Variants in EPHB2 observed in about 807,000 individuals in gnomAD.
The protein encoded by EPHB2 is ephrin type-B receptor 2.
A neutral mutation model predicts 96.4 loss-of-function variants in EPHB2; 18 were observed. That is an observed-to-expected ratio of 0.19 (90% CI 0.13 to 0.28). The LOEUF (loss-of-function observed/expected upper bound fraction) is 0.28. Ranked by LOEUF, EPHB2 falls within the 10% of genes least tolerant of loss-of-function variation. The pLI, the probability that EPHB2 is intolerant of heterozygous loss-of-function variation, is 1.00. For missense variants in EPHB2, 989 were observed against 1,355.4 expected (o/e 0.73, Z 4.25); for synonymous variants, 506 against 534.1 (o/e 0.95, Z 0.72).
At chr1:22,908,366 T>C (rs186131002) in intron 12 of EPHB2, among the ~76,000 whole-genome samples, 198 bp downstream of exon 12, 37 of 152,188 alleles carry the variant, frequency 2.4e-4, no homozygotes, top group Non-Finnish European at 8.8e-5. Context: ...TGCAGAGCCA[T>C]GTGGAGTGAC....
chr1:22,747,216 C>G (rs774893910), intron 1 of EPHB2, among the ~76,000 whole-genome samples: 10 of 152,258 alleles, frequency 6.6e-5, no homozygotes, highest in Non-Finnish European at 1.3e-4. Context: ...CTCACGTCCT[C>G]TGTTCACTGT....
At chr1:22,864,834 C>T (rs1010801306) in intron 4 of EPHB2, 43 bp from the exon 5 acceptor site, 3 of 1,316,348 alleles carry the variant, frequency 2.3e-6, no homozygotes, top group Non-Finnish European at 2.1e-6. Flanking sequence ...GGGAATAGTA[C>T]CCCCTGAGCC....
At chr1:22,827,504 C>G (rs1645241918) in intron 3 of EPHB2, among the ~76,000 whole-genome samples, 1 of 152,202 alleles carries the variant, frequency 6.6e-6, no homozygotes, top group Non-Finnish European at 1.5e-5. Flanking sequence ...TCCGTCAAGC[C>G]TGCATGCAAC....
intron 1 of EPHB2, among the ~76,000 whole-genome samples, chr1:22,773,547 TGTC>T (rs1359569362): frequency 6.6e-6 from 1 of 152,116 alleles, no homozygotes; most frequent in African/African-American, 2.4e-5. Flanking sequence ...AGCTATGAGG[TGTC>T]TGTTCATCTT....
Position 22,895,554 on chromosome 1 carries a change from G to A in EPHB2, c.1674G>A (p.Val558=). 2 of 1,614,238 alleles carry A rather than the reference G, an allele frequency of 1.2e-6. No individual in the cohort carries two copies. The highest frequency in any genetic ancestry group is 1.7e-6 in the Non-Finnish European group (2 of 1,180,038). Residue 558 remains valine, a synonymous_variant, in exon 8 of 16, where the codon GTG becomes GTA. Coordinates refer to ENST00000374630, the MANE Select transcript of EPHB2 (RefSeq NM_017449.5). The stretch of plus-strand genomic sequence containing the variant: ...CTGGCCTGGTCTTCCTCATTGCTGT[G>A]GTTGTCATCGCCATCGTGTGTAACA... ...SAAGLVFLIA[V]VVIAIVCNRR...
rs115817364 is a variant in EPHB2, at chr1:22,733,078, C to T, written c.61+22035C>T. On this transcript the variant is annotated intron_variant, in intron 1 of 15. Coordinates refer to ENST00000374630, the MANE Select transcript of EPHB2 (RefSeq NM_017449.5). The surrounding 1 kb of genome is among the most constrained non-coding windows in gnomAD (Gnocchi z 4.6). ...CTTTCTTTCTTTTTTTTTGGAGTTT[C>T]GCTCTTGTCGCCCAGACTGGAATGC... 0.015 allele frequency among the ~76,000 whole-genome samples: 2,294 copies of T among 151,622 alleles called. 48 individuals carry two copies. Among genetic ancestry groups the T allele is most frequent in the African/African-American group, 0.04 (1,645 of 41,334 alleles).
chr1:22,769,460 G>A (rs1440120816), intron 1 of EPHB2, among the ~76,000 whole-genome samples: 1 of 152,188 alleles, frequency 6.6e-6, no homozygotes, highest in Non-Finnish European at 1.5e-5. Flanking sequence ...AGGCTGGAAT[G>A]CAGTGGTGAG....
At chr1:22,910,947 G>C (rs1391456282) in intron 14 of EPHB2, among the ~76,000 whole-genome samples, 1 of 152,074 alleles carries the variant, frequency 6.6e-6, no homozygotes, top group Non-Finnish European at 1.5e-5. Flanking sequence ...AGACTAGCCT[G>C]GCCAACATGG....
At position 22,920,018 on chromosome 1, in the gene EPHB2, G is replaced by A. The variant is rs1174423110; in HGVS notation, c.*6448G>A. ...CAAGAAAGAGAGAAAGAGATGGGGA[G>A]GGAGACAGCTGAAAACAGATACTAA... On this transcript the variant is annotated 3_prime_UTR_variant, in exon 16 of 16. Transcript: ENST00000374630. 2.0e-5 allele frequency: 3 copies of A among 151,744 alleles called. No homozygotes were observed. Among genetic ancestry groups the A allele is most frequent in the Non-Finnish European group, 4.4e-5 (3 of 68,020 alleles). The allele number at this position is 151,744 out of a possible 1,614,324, so 9.4% of individuals were successfully genotyped here.
At chr1:22,884,280 C>T (rs759997630) in intron 6 of EPHB2, among the ~76,000 whole-genome samples, 5 of 151,608 alleles carry the variant, frequency 3.3e-5, no homozygotes, top group Admixed American at 6.6e-5. Flanking sequence ...CTGAGACAGG[C>T]GGATCACCTG....
intron 1 of EPHB2, among the ~76,000 whole-genome samples, chr1:22,754,974 A>AGGGGCAGGGG (rs1570218159): frequency 1.0e-5 from 1 of 96,856 alleles, no homozygotes; most frequent in Admixed American, 1.1e-4. Context: ...AGGTGAGCCG[A>AGGGGCAGGGG]AGGGCCTGTG....
At chr1:22,844,358 A>G (rs1266808434) in intron 3 of EPHB2, among the ~76,000 whole-genome samples, 2 of 152,250 alleles carry the variant, frequency 1.3e-5, no homozygotes, top group African/African-American at 4.8e-5. Flanking sequence ...CTCAGCCAGG[A>G]AGAGCAGGGC....
At chr1:22,712,817 G>A (rs1020102934) in intron 1 of EPHB2, among the ~76,000 whole-genome samples, 3 of 152,230 alleles carry the variant, frequency 2.0e-5, no homozygotes, top group Admixed American at 6.5e-5. Context: ...TGACTCATGC[G>A]TTGGCCCGCT....
rs1304676543 is a variant in EPHB2 at position 22,916,708 on chromosome 1, AG to A, written c.*3139del. 1 of 152,504 alleles carries A rather than the reference AG, an allele frequency of 6.6e-6. No homozygotes were observed. The highest frequency in any genetic ancestry group is 1.5e-5 in the Non-Finnish European group (1 of 68,326). The allele number at this position is 152,504 out of a possible 1,614,324, so 9.4% of individuals were successfully genotyped here. A position where few individuals can be genotyped will look rare whatever the true frequency, so the allele number is the denominator to read the frequency against. On this transcript the variant is annotated 3_prime_UTR_variant, in exon 16 of 16. Transcript: ENST00000374630. This position sits in a 1 kb window ranked among gnomAD's most constrained non-coding sequence, Gnocchi z 4.2. The stretch of plus-strand genomic sequence containing the variant: ...AAGTGCCAGCCCCCGCCTGCCCAGC[AG>A]TGTTAGGGGAGTTTCCGGCTGCTCT...
At chr1:22,728,261 G>A (rs1204156625) in intron 1 of EPHB2, among the ~76,000 whole-genome samples, 1 of 152,208 alleles carries the variant, frequency 6.6e-6, no homozygotes, top group Non-Finnish European at 1.5e-5. Flanking sequence ...GAATACATAT[G>A]ATTTACGGGT....
At chr1:22,901,804 CGTGTGTGTGTGTGTGAGTGTGT>C (rs895840962) in intron 9 of EPHB2, among the ~76,000 whole-genome samples, 15 of 109,272 alleles carry the variant, frequency 1.4e-4, no homozygotes, top group East Asian at 1.3e-3. Context: ...CATTTAACTT[CGTGTGTGTGTGTGTGAGTGTGT>C]GTGTGTGTGT....
chr1:22,748,391 C>CTT (rs34735800), intron 1 of EPHB2, among the ~76,000 whole-genome samples: 8 of 130,150 alleles, frequency 6.1e-5, no homozygotes, highest in Admixed American at 3.8e-4. Context: ...TTTTTTTTTT[C>CTT]TTTTTTTTGA....
intron 7 of EPHB2, among the ~76,000 whole-genome samples, chr1:22,895,126 G>A (rs309468): frequency 0.016 from 2,409 of 152,238 alleles, 59 homozygotes; most frequent in African/African-American, 0.051. Context: ...TGGCACCATC[G>A]GGAGTCAAAC....
intron 3 of EPHB2, among the ~76,000 whole-genome samples, chr1:22,801,211 A>T (rs780126210): frequency 8.5e-5 from 13 of 152,136 alleles, no homozygotes; most frequent in Non-Finnish European, 1.8e-4. Context: ...CCAAGGCTGG[A>T]GGTTCTCTCT....
Sources: gnomAD v4.1 joint callset for allele counts (sites outside exome capture counted in the v4.1 genomes callset) on GRCh38, gnomAD v4.1.1 for gene constraint, Gnocchi (gnomAD v3.1) non-coding constraint, MANE v1.5 for transcripts, NCBI Gene and HGNC (gene_info 2026-07-23, HGNC 2026-07-21) for gene names.